RDH16: variants seen among roughly 807,000 people sequenced by gnomAD.
The protein encoded by RDH16 is human epidermal retinol dehydrogenase.
A neutral mutation model predicts 22.3 loss-of-function variants in RDH16; 25 were observed. The ratio of observed to expected loss-of-function variants is 1.12; its 90% confidence interval spans 0.82 to 1.56. The LOEUF (loss-of-function observed/expected upper bound fraction) is 1.56. RDH16 is among the 40% of genes most tolerant of loss of function. The pLI is 0.00. For missense variants in RDH16, 413 were observed against 394.9 expected (o/e 1.05, Z -0.39); for synonymous variants, 154 against 164.4 (o/e 0.94, Z 0.48).
intron 3 of RDH16, among the ~76,000 whole-genome samples, chr12:56,952,615 A>G (rs1447287922): frequency 6.6e-6 from 1 of 152,184 alleles, no homozygotes; most frequent in Non-Finnish European, 1.5e-5. Flanking sequence ...GTTCAGATAG[A>G]CACTGGTCCC....
Position 56,955,043 on chromosome 12 carries a change from A to G in RDH16, c.435T>C (p.Thr145=). 6.2e-7 allele frequency: 1 copy of G among 1,614,152 alleles called. No individual in the cohort carries two copies. The highest frequency in any genetic ancestry group is 8.5e-7 in the Non-Finnish European group (1 of 1,180,024). The stretch of plus-strand genomic sequence containing the variant: ...TCCTCACTAAGGGCAGCAGGCTCAG[A>G]GTCACATCAATCACCCCCAACAAGT... The part of the protein sequence containing the change: ...DVNLLGVIDV[T]LSLLPLVRRA... Residue 145 remains threonine, a synonymous_variant, in exon 2 of 4, where the codon ACT becomes ACC. Transcript: ENST00000398138.
In RDH16 at chr12:56,952,242, C is replaced by T; in HGVS notation, c.741G>A (p.Lys247=). Residue 247 remains lysine, a synonymous_variant, in exon 4 of 4, where the codon AAG becomes AAA. Coordinates refer to ENST00000398138, the MANE Select transcript of RDH16 (RefSeq NM_003708.5). ...AYGEKFVADY[K]KSAEQMEQKC... ...TCTGCTCCATTTGTTCAGCTGATTT[C>T]TTATCTGTTAAGAATCAGAAACAAT... 1 of 1,613,830 alleles carries T rather than the reference C, an allele frequency of 6.2e-7. No homozygotes were observed. Among genetic ancestry groups the T allele is most frequent in the Non-Finnish European group, 8.5e-7 (1 of 1,179,820 alleles).
rs539187159 is a variant in RDH16 at position 56,954,976 on chromosome 12, G to A, written c.502C>T (p.Arg168Trp). The change falls in exon 2 of 4, where the codon CGG becomes TGG. Residue 168 changes from arginine (R) to tryptophan (W), a missense_variant. By Grantham distance (101) the Arg-to-Trp change is moderately radical. Transcript: ENST00000398138. ...TAGCCTCCACCAAAAAGTGACACCCGGCCCATGACACTGGAGACGTTGACC... is the reference window on the plus strand; with the variant it reads ...TAGCCTCCACCAAAAAGTGACACCCAGCCCATGACACTGGAGACGTTGACC... ...RVVNVSSVMG[R>W]VSLFGGGYCI... is the part of the protein sequence containing the mutation. 1.9e-4 allele frequency: 313 copies of A among 1,614,146 alleles called. 1 individual carries two copies. In the South Asian group the frequency reaches 2.6e-3, roughly 13 times the overall value.
intron 1 of RDH16, 78 bp from the exon 2 acceptor site, chr12:56,955,242 C>G: frequency 6.5e-7 from 1 of 1,543,410 alleles, no homozygotes; most frequent in Admixed American, 1.8e-5. Flanking sequence ...CAAATCACAT[C>G]CCAATAAAGT....
In RDH16 at chr12:56,957,179, T is replaced by C. The variant is rs747439335; in HGVS notation, c.284A>G (p.Gln95Arg). 1 of 1,613,270 alleles carries C rather than the reference T, an allele frequency of 6.2e-7. No individual in the cohort carries two copies. The highest frequency in any genetic ancestry group is 8.5e-7 in the Non-Finnish European group (1 of 1,179,300). Residue 95 changes from glutamine (Q) to arginine (R), a missense_variant, in exon 1 of 4, where the codon CAG (glutamine) becomes CGG (arginine). By Grantham distance (43) the Gln-to-Arg change is conservative. Transcript: ENST00000398138. ...TKTESVAAAAQWVKECVRDKG... is the reference protein window; with the variant it reads ...TKTESVAAAARWVKECVRDKG... ...GTCTCTCACGCACTCCTTCACCCAC[T>C]GGGCGGCTGCAGCAACGCTCTCTGT...
In RDH16 at chr12:56,952,027, C is replaced by A. The variant is rs1374797059; in HGVS notation, c.*2G>T. On this transcript the variant is annotated 3_prime_UTR_variant, in exon 4 of 4. Transcript: ENST00000398138. The stretch of plus-strand genomic sequence containing the variant: ...CATGCAACCATGCATCCAACCTTAG[C>A]TTCATAGAGCCTTGGCCGGGCTTGG... 1 of 1,613,454 alleles carries A rather than the reference C, an allele frequency of 6.2e-7. No individual in the cohort carries two copies. Among genetic ancestry groups the A allele is most frequent in the Admixed American group, 1.7e-5 (1 of 60,000 alleles).
rs1002785309 is a variant in RDH16 at position 56,954,782 on chromosome 12, T to A, written c.572+124A>T. 2.9e-6 allele frequency: 3 copies of A among 1,028,384 alleles called. No homozygotes were observed. In the African/African-American group the frequency reaches 4.8e-5, roughly 17 times the overall value. The allele number at this position is 1,028,384 out of a possible 1,614,324, so 63.7% of individuals were successfully genotyped here. A position where few individuals can be genotyped will look rare whatever the true frequency, so the allele number is the denominator to read the frequency against. On this transcript the variant is annotated intron_variant, in intron 2 of 3. Transcript: ENST00000398138. ...AAGAGGAAGATGAGGGTGTCACACATGAAGACAGAGAGTGATCTCATGAAA... is the reference window on the plus strand; with the variant it reads ...AAGAGGAAGATGAGGGTGTCACACAAGAAGACAGAGAGTGATCTCATGAAA...
chr12:56,953,338 C>T (rs1023694996), intron 2 of RDH16, among the ~76,000 whole-genome samples: 13 of 152,202 alleles, frequency 8.5e-5, no homozygotes, highest in Admixed American at 3.3e-4. Context: ...CCCTCGTTTT[C>T]CTGCCCCAGG....
chr12:56,957,332 A>G lies in RDH16; in HGVS notation c.131T>C (p.Leu44Pro). 1 of 1,614,180 alleles carries G rather than the reference A, an allele frequency of 6.2e-7. No individual in the cohort carries two copies. Among genetic ancestry groups the G allele is most frequent in the African/African-American group, 1.3e-5 (1 of 75,042 alleles). Residue 44 changes from leucine (L) to proline (P), a missense_variant, in exon 1 of 4, where the codon CTG (leucine) becomes CCG (proline). Physicochemically the swap from Leu to Pro is moderately conservative, Grantham distance 98. Transcript: ENST00000398138. ...ITGCDSGFGK[L>P]LARQLDARGL... ...TCGTGCATCCAGCTGTCTGGCCAGC[A>G]GTTTCCCGAAGCCAGAGTCACAGCC...
chr12:56,952,991 C>A lies in RDH16; in HGVS notation c.573-1G>T. The A allele has an allele frequency of 6.2e-7, 1 of 1,605,780 alleles. No individual in the cohort carries two copies. The highest frequency in any genetic ancestry group is 8.5e-7 in the Non-Finnish European group (1 of 1,176,400). ...CACCCCAAAGTAGGAGAGTTCCCTCCTGCAAGACAGAGAAGCAGAGGGGAA... is the reference window on the plus strand; with the variant it reads ...CACCCCAAAGTAGGAGAGTTCCCTCATGCAAGACAGAGAAGCAGAGGGGAA... On this transcript the variant is annotated splice_acceptor_variant, in intron 2 of 3. Transcript: ENST00000398138. LOFTEE classifies it high-confidence loss of function.
chr12:56,952,005 G>T lies in RDH16; in HGVS notation c.*24C>A. On this transcript the variant is annotated 3_prime_UTR_variant, in exon 4 of 4. Transcript: ENST00000398138. ...CCCTCATAGCACACCCCAAATCCAT[G>T]CAACCATGCATCCAACCTTAGCTTC... The T allele has an allele frequency of 6.2e-7, 1 of 1,603,490 alleles. No homozygotes were observed. Among genetic ancestry groups the T allele is most frequent in the East Asian group, 2.2e-5 (1 of 44,810 alleles).
At chr12:56,954,674 C>T (rs1565618579) in intron 2 of RDH16, among the ~76,000 whole-genome samples, 1 of 152,204 alleles carries the variant, frequency 6.6e-6, no homozygotes, top group Non-Finnish European at 1.5e-5. Context: ...AGGTATCGTT[C>T]AAGAAACTCT....
At position 56,957,234 on chromosome 12, in the gene RDH16, G is replaced by C; in HGVS notation, c.229C>G (p.Leu77Val). Reference sequence around the variant, plus strand: ...GTAACATCCAGGGTCACCGTCTCCAGCCTGTCTGAAGTCTGGCCCCTCAGC... The same window carrying C: ...GTAACATCCAGGGTCACCGTCTCCACCCTGTCTGAAGTCTGGCCCCTCAGC... ...EQLRGQTSDR[L>V]ETVTLDVTKT... The change falls in exon 1 of 4, where the codon CTG becomes GTG. Residue 77 changes from leucine (L) to valine (V), a missense_variant. By Grantham distance (32) the Leu-to-Val change is conservative. Transcript: ENST00000398138. 1 of 1,614,170 alleles carries C rather than the reference G, an allele frequency of 6.2e-7. No individual in the cohort carries two copies. Among genetic ancestry groups the C allele is most frequent in the Non-Finnish European group, 8.5e-7 (1 of 1,180,026 alleles).
At chr12:56,953,555 G>A (rs922841703) in intron 2 of RDH16, among the ~76,000 whole-genome samples, 16 of 152,302 alleles carry the variant, frequency 1.1e-4, no homozygotes, top group Admixed American at 7.8e-4. Flanking sequence ...CCTGTCCAGG[G>A]CCCACAGGCC....
chr12:56,952,749 G>GC, intron 3 of RDH16, 78 bp downstream of exon 3: 4 of 1,509,626 alleles, frequency 2.6e-6, no homozygotes, highest in Non-Finnish European at 3.6e-6. Flanking sequence ...AAACTCTAAT[G>GC]CCCTTCAGAC....
chr12:56,955,145 A>G lies in RDH16; in HGVS notation c.333T>C (p.Asn111=). The change falls in exon 2 of 4, where the codon AAT becomes AAC. Residue 111 remains asparagine (N), a synonymous_variant. Transcript: ENST00000398138. Reference sequence around the variant, plus strand: ...CCGTGGGCAAGGAGATGCCAGCATTATTCACCAGGCCCCAGAGTCCTGGGA... The same window carrying G: ...CCGTGGGCAAGGAGATGCCAGCATTGTTCACCAGGCCCCAGAGTCCTGGGA... The part of the protein sequence containing the change: ...VRDKGLWGLV[N]NAGISLPTAP... 1 of 1,614,080 alleles carries G rather than the reference A, an allele frequency of 6.2e-7. No individual in the cohort carries two copies. The highest frequency in any genetic ancestry group is 2.2e-5 in the East Asian group (1 of 44,860).
intron 2 of RDH16, among the ~76,000 whole-genome samples, chr12:56,954,670 C>T (rs542406446): frequency 5.0e-4 from 76 of 152,334 alleles, no homozygotes; most frequent in Admixed American, 3.5e-3. Flanking sequence ...GAAGAGGTAT[C>T]GTTCAAGAAA....
chr12:56,955,316 G>T (rs1955918860), intron 1 of RDH16, 152 bp from the exon 2 acceptor site: 7 of 952,276 alleles, frequency 7.4e-6, no homozygotes, highest in Non-Finnish European at 1.1e-5. Flanking sequence ...TATCACAGGG[G>T]TGGGGGCTGA....
At chr12:56,953,069 A>G (rs966137665) in intron 2 of RDH16, 79 bp from the exon 3 acceptor site, 9 of 1,261,136 alleles carry the variant, frequency 7.1e-6, no homozygotes, top group Middle Eastern at 2.0e-4. Context: ...TAAAACTATG[A>G]TATCACAACA....
Sources: gnomAD v4.1 joint callset for allele counts (sites outside exome capture counted in the v4.1 genomes callset) on GRCh38, gnomAD v4.1.1 for gene constraint, MANE v1.5 for transcripts, NCBI Gene and HGNC (gene_info 2026-07-23, HGNC 2026-07-21) for gene names.